Variants in KAZN observed in about 807,000 individuals in gnomAD.
KAZN encodes kazrin.
In KAZN, 40 loss-of-function variants were observed where a neutral mutation model predicts 87.4. The observed-to-expected ratio is 0.46, with a 90% CI of 0.36 to 0.60. The LOEUF (loss-of-function observed/expected upper bound fraction) is 0.60. KAZN is among the 20% of genes least tolerant of loss of function. KAZN has a pLI of 0.00. For missense variants in KAZN, 898 were observed against 1,073.9 expected (o/e 0.84, Z 2.29); for synonymous variants, 466 against 458.3 (o/e 1.02, Z -0.22).
At position 14,301,182 on chromosome 1, in the gene KAZN, CTACCCAGGAGG is replaced by C. The variant is rs565322196; in HGVS notation, c.249+120592_249+120602del. Among the ~76,000 whole-genome samples the C allele has an allele frequency of 3.9e-5, 6 of 152,294 alleles. No individual in the cohort carries two copies. In the East Asian group the frequency reaches 1.2e-3, roughly 29 times the overall value. ...AATTCACAAAGCTGGGCTTAGCATT[CTACCCAGGAGG>C]TTGACAGCAGCCAAGAAGACACTCC... On this transcript the variant is annotated intron_variant, in intron 2 of 16. Coordinates refer to the KAZN transcript ENST00000636203.
intron 2 of KAZN, among the ~76,000 whole-genome samples, chr1:14,248,742 T>C (rs1352669673): frequency 1.3e-5 from 2 of 152,214 alleles, no homozygotes; most frequent in Non-Finnish European, 2.9e-5. Context: ...ACTCTTCCCA[T>C]GGACAGGTGG....
intron 1 of KAZN, among the ~76,000 whole-genome samples, chr1:13,945,700 TGTGTGTGTGTGA>T (rs1197239147): frequency 7.1e-6 from 1 of 140,076 alleles, no homozygotes; most frequent in African/African-American, 2.7e-5. Flanking sequence ...TGTGTGTGTG[TGTGTGTGTGTGA>T]GAGAGAGAGA....
intron 2 of KAZN, among the ~76,000 whole-genome samples, chr1:14,445,119 G>A (rs538820982): frequency 5.9e-4 from 90 of 151,928 alleles, no homozygotes; most frequent in African/African-American, 2.1e-3. Context: ...TCCGCCTCCC[G>A]GGTTCAAGCT....
chr1:14,349,296 G>A (rs1191377706), intron 2 of KAZN: 2 of 152,226 alleles, frequency 1.3e-5, no homozygotes, highest in South Asian at 4.1e-4. Flanking sequence ...TCTTCGAAGA[G>A]AGATTAAGGC....
At chr1:14,500,420 A>C (rs561121253) in intron 2 of KAZN, among the ~76,000 whole-genome samples, 19 of 152,294 alleles carry the variant, frequency 1.2e-4, no homozygotes, top group African/African-American at 4.3e-4. Flanking sequence ...TCAAAACTTA[A>C]GTAGTACAAC....
At chr1:14,739,888 A>C (rs185057377) in intron 1 of KAZN, among the ~76,000 whole-genome samples, 1 of 152,092 alleles carries the variant, frequency 6.6e-6, no homozygotes, top group Non-Finnish European at 1.5e-5. Flanking sequence ...TGGGATTTCT[A>C]CAAGCAGAAA....
chr1:14,485,088 C>T (rs145262402), intron 2 of KAZN, among the ~76,000 whole-genome samples: 46 of 152,150 alleles, frequency 3.0e-4, no homozygotes, highest in African/African-American at 1.1e-3. Flanking sequence ...CAATCTATCA[C>T]GTATCCAAAA....
At chr1:14,265,840 C>T (rs1211124596) in intron 2 of KAZN, among the ~76,000 whole-genome samples, 1 of 152,174 alleles carries the variant, frequency 6.6e-6, no homozygotes, top group Non-Finnish European at 1.5e-5. Context: ...GGTGATTTGC[C>T]CTTTTCCTTA....
chr1:14,194,634 T>A (rs1646489886), intron 2 of KAZN, among the ~76,000 whole-genome samples: 1 of 152,204 alleles, frequency 6.6e-6, no homozygotes, highest in South Asian at 2.1e-4. Flanking sequence ...TACAGTGTTT[T>A]TCATGAAGGC....
At chr1:14,394,171 G>A (rs565673065) in intron 2 of KAZN, among the ~76,000 whole-genome samples, 4 of 152,266 alleles carry the variant, frequency 2.6e-5, no homozygotes, top group East Asian at 1.9e-4. Flanking sequence ...GTGCGTTAAC[G>A]CAATGATGCT....
At chr1:14,881,869 T>C (rs1653374540) in intron 1 of KAZN, among the ~76,000 whole-genome samples, 1 of 152,234 alleles carries the variant, frequency 6.6e-6, no homozygotes, top group Non-Finnish European at 1.5e-5. Context: ...TAGGTGCTGC[T>C]GGCTATGGTG....
intron 1 of KAZN, among the ~76,000 whole-genome samples, chr1:14,034,355 T>A (rs1383783537): frequency 6.6e-6 from 1 of 152,154 alleles, no homozygotes; most frequent in African/African-American, 2.4e-5. Flanking sequence ...GGTGAGGCTG[T>A]TTACAAGAGT....
intron 1 of KAZN, among the ~76,000 whole-genome samples, chr1:14,786,154 A>T (rs1052829527): frequency 1.3e-5 from 2 of 152,252 alleles, no homozygotes; most frequent in Admixed American, 1.3e-4. Context: ...TTAGTCAGAT[A>T]AACTCTTACA....
chr1:14,110,052 G>T (rs1644466842), intron 1 of KAZN, among the ~76,000 whole-genome samples: 1 of 129,322 alleles, frequency 7.7e-6, no homozygotes. Context: ...ATAATATGTT[G>T]TGATTAATAA....
chr1:14,052,808 C>T (rs994352645), intron 1 of KAZN, among the ~76,000 whole-genome samples: 7 of 152,264 alleles, frequency 4.6e-5, no homozygotes, highest in East Asian at 1.9e-4. Flanking sequence ...GATTCCTGTG[C>T]GTATTCTAAC....
At chr1:14,834,605 C>A (rs1195091681) in intron 1 of KAZN, among the ~76,000 whole-genome samples, 1 of 152,112 alleles carries the variant, frequency 6.6e-6, no homozygotes, top group East Asian at 1.9e-4. Flanking sequence ...TTGTGATCCA[C>A]CTGCCTCAGC....
At chr1:14,584,033 C>T (rs1290234366) in intron 2 of KAZN, among the ~76,000 whole-genome samples, 2 of 152,140 alleles carry the variant, frequency 1.3e-5, no homozygotes, top group Non-Finnish European at 2.9e-5. Context: ...GTTGTTGGGG[C>T]AGGGATGTGT....
At chr1:14,397,916 G>A (rs1175909761) in intron 2 of KAZN, among the ~76,000 whole-genome samples, 2 of 149,692 alleles carry the variant, frequency 1.3e-5, no homozygotes, top group African/African-American at 2.5e-5. Flanking sequence ...TCTGAGATAA[G>A]GCTTCACGAG....
At chr1:14,420,491 CTCCTCAGCCCTTGG>C (rs1254002151) in intron 2 of KAZN, among the ~76,000 whole-genome samples, 5 of 152,228 alleles carry the variant, frequency 3.3e-5, no homozygotes, top group Non-Finnish European at 7.3e-5. Context: ...TGCACCCACA[CTCCTCAGCCCTTGG>C]TCCTCAGCCC....
Sources: gnomAD v4.1 joint callset for allele counts (sites outside exome capture counted in the v4.1 genomes callset) on GRCh38, gnomAD v4.1.1 for gene constraint, MANE v1.5 for transcripts, NCBI Gene and HGNC (gene_info 2026-07-23, HGNC 2026-07-21) for gene names.